Variants in EPHA6 observed in about 807,000 individuals in gnomAD.
The protein encoded by EPHA6 is ephrin type-A receptor 6.
EPHA6 carries 50 observed loss-of-function variants against 112.0 expected under a neutral mutation model. The observed-to-expected ratio is 0.45, with a 90% confidence interval of 0.36 to 0.56. EPHA6 has a LOEUF of 0.56. Ranked by LOEUF, EPHA6 falls within the 20% of genes least tolerant of loss-of-function variation. The probability of loss-of-function intolerance (pLI) is 0.00; values close to 1 mark genes in which losing one functional copy is unlikely to be tolerated. For missense variants in EPHA6, 1,280 were observed against 1,417.4 expected, an observed-to-expected ratio of 0.90 and a Z score of 1.56; for synonymous variants, 529 against 490.7, an observed-to-expected ratio of 1.08 and a Z score of -1.03.
chr3:97,398,396 AT>A (rs1490358856), intron 5 of EPHA6, among the ~76,000 whole-genome samples: 3 of 151,508 alleles, frequency 2.0e-5, no homozygotes, highest in African/African-American at 7.2e-5. Flanking sequence ...TTACACTATA[AT>A]TCAAGAACAT....
chr3:97,055,147 G>A (rs2045811858), intron 3 of EPHA6, among the ~76,000 whole-genome samples: 1 of 152,074 alleles, frequency 6.6e-6, no homozygotes, highest in African/African-American at 2.4e-5. Flanking sequence ...GGCCTGGGTT[G>A]CCTATTAAAT....
At chr3:97,343,813 A>C (rs2083419871) in intron 5 of EPHA6, among the ~76,000 whole-genome samples, 2 of 152,200 alleles carry the variant, frequency 1.3e-5, no homozygotes, top group South Asian at 4.1e-4. Context: ...TGGGACATAG[A>C]AAGAGCTACT....
rs139337148 is a variant in EPHA6 at position 97,406,525 on chromosome 3, C to A, written c.1731+1251C>A. Among the ~76,000 whole-genome samples the A allele has an allele frequency of 2.5e-3, 382 of 152,272 alleles. 3 individuals are homozygous for A. Among genetic ancestry groups the A allele is most frequent in the African/African-American group, 8.3e-3 (345 of 41,558 alleles). On this transcript the variant is annotated intron_variant, in intron 6 of 17. Coordinates refer to ENST00000389672, the MANE Select transcript of EPHA6 (RefSeq NM_001080448.3). ...CCTAATCACCTCTTAAAGGTTCCAT[C>A]TCTTGATTCTGTTATAATGGCAATC...
At chr3:97,682,427 A>C (rs1430778090) in intron 14 of EPHA6, among the ~76,000 whole-genome samples, 2 of 152,132 alleles carry the variant, frequency 1.3e-5, no homozygotes, top group African/African-American at 4.8e-5. Context: ...TAGTATTGAC[A>C]ACCCACCTGA....
At chr3:97,685,755 T>C (rs7622290) in intron 14 of EPHA6, among the ~76,000 whole-genome samples, 2,579 of 152,234 alleles carry the variant, frequency 0.017, 104 homozygotes, top group Admixed American at 0.091. Context: ...GAGAAGAACA[T>C]ATATTTGTAA....
chr3:97,429,356 C>T (rs1425725793), intron 6 of EPHA6, among the ~76,000 whole-genome samples: 2 of 152,068 alleles, frequency 1.3e-5, no homozygotes, highest in African/African-American at 4.8e-5. Flanking sequence ...GAAAATTAAT[C>T]CCCGGTGGCA....
chr3:96,940,932 T>C (rs1241466567), intron 2 of EPHA6, among the ~76,000 whole-genome samples: 3 of 152,220 alleles, frequency 2.0e-5, no homozygotes, highest in Non-Finnish European at 2.9e-5. Flanking sequence ...TAGTCCCCAC[T>C]CTCTTCTGGC....
At chr3:97,099,085 T>C (rs2047329815) in intron 3 of EPHA6, among the ~76,000 whole-genome samples, 2 of 151,980 alleles carry the variant, frequency 1.3e-5, no homozygotes, top group Admixed American at 1.3e-4. Context: ...CTTTAGACTG[T>C]TGATGACTGG....
chr3:96,830,368 A>G (rs528787676), intron 1 of EPHA6, among the ~76,000 whole-genome samples: 3 of 152,142 alleles, frequency 2.0e-5, no homozygotes, highest in Non-Finnish European at 4.4e-5. Context: ...TACCAGAAAA[A>G]AAGAAAATAC....
intron 14 of EPHA6, among the ~76,000 whole-genome samples, chr3:97,701,469 T>C (rs1219892235): frequency 5.3e-5 from 8 of 152,260 alleles, no homozygotes; most frequent in South Asian, 2.1e-4. Flanking sequence ...TTAACAGTTA[T>C]ATCCTTTCAG....
intron 10 of EPHA6, among the ~76,000 whole-genome samples, chr3:97,494,158 CT>C (rs1479327621): frequency 2.0e-5 from 3 of 152,142 alleles, no homozygotes; most frequent in African/African-American, 7.2e-5. Flanking sequence ...TTTATCACAA[CT>C]TTTATTAACA....
chr3:97,619,706 C>T (rs964453776), intron 13 of EPHA6, among the ~76,000 whole-genome samples: 1 of 151,940 alleles, frequency 6.6e-6, no homozygotes, highest in Admixed American at 6.6e-5. Flanking sequence ...ATACATCTAA[C>T]AAGGGAAGTG....
At chr3:96,871,360 G>A (rs542922004) in intron 2 of EPHA6, among the ~76,000 whole-genome samples, 1 of 152,058 alleles carries the variant, frequency 6.6e-6, no homozygotes, top group Non-Finnish European at 1.5e-5. Flanking sequence ...TTAAAACAAT[G>A]TCTGGTTCAT....
At chr3:97,561,147 T>G (rs2107161270) in intron 11 of EPHA6, among the ~76,000 whole-genome samples, 1 of 152,082 alleles carries the variant, frequency 6.6e-6, no homozygotes, top group Non-Finnish European at 1.5e-5. Context: ...AAGATTGAAG[T>G]TAGGCCAATT....
At position 97,128,882 on chromosome 3, in the gene EPHA6, T is replaced by TG. The variant is rs1419342010; in HGVS notation, c.1115-97382_1115-97381insG. 2.8e-4 allele frequency among the ~76,000 whole-genome samples: 41 copies of TG among 148,960 alleles called. 1 individual carries two copies. The highest frequency in any genetic ancestry group is 1.0e-3 in the African/African-American group (41 of 40,422). ...CCTGAATTTTTATGTCTTTTTTTTTTTTTTTTTTTGAGACAAGGTCTCCCT... is the reference window on the plus strand; with the variant it reads ...CCTGAATTTTTATGTCTTTTTTTTTTGTTTTTTTTTGAGACAAGGTCTCCCT... On this transcript the variant is annotated intron_variant, in intron 3 of 17. Coordinates refer to ENST00000389672, the MANE Select transcript of EPHA6 (RefSeq NM_001080448.3).
At chr3:96,972,964 T>C (rs1408954600) in intron 2 of EPHA6, among the ~76,000 whole-genome samples, 1 of 152,204 alleles carries the variant, frequency 6.6e-6, no homozygotes, top group African/African-American at 2.4e-5. Context: ...GCCAGCATAT[T>C]ATCTGAATAT....
intron 2 of EPHA6, among the ~76,000 whole-genome samples, chr3:96,948,616 A>G (rs936699066): frequency 2.6e-5 from 4 of 152,172 alleles, no homozygotes; most frequent in African/African-American, 4.8e-5. Flanking sequence ...GTAAAAGGAA[A>G]GTCTTTATAT....
At chr3:97,685,489 A>C (rs944030778) in intron 14 of EPHA6, among the ~76,000 whole-genome samples, 1 of 152,158 alleles carries the variant, frequency 6.6e-6, no homozygotes, top group Non-Finnish European at 1.5e-5. Context: ...CATTCTTCAG[A>C]TCTTGTAGCT....
chr3:97,629,207 T>C (rs1025909237), intron 13 of EPHA6, among the ~76,000 whole-genome samples: 2 of 151,978 alleles, frequency 1.3e-5, no homozygotes, highest in African/African-American at 4.8e-5. Context: ...GGATTAGAGA[T>C]GTGAGCCACC....
Sources: allele counts gnomAD v4.1 joint callset (sites outside exome capture counted in the v4.1 genomes callset), GRCh38; gene constraint gnomAD v4.1.1; transcripts MANE v1.5; gene names NCBI Gene and HGNC (gene_info 2026-07-23, HGNC 2026-07-21).